Variants in RAB7A observed in about 807,000 individuals in gnomAD.
The protein encoded by RAB7A is RAB7A, member RAS oncogene family, also known as ras-related protein Rab-7a.
A neutral mutation model predicts 24.5 loss-of-function variants in RAB7A; 2 were observed. The observed-to-expected ratio is 0.08, with a 90% CI of 0.03 to 0.26. The LOEUF is 0.26. RAB7A is among the 10% of genes least tolerant of loss of function. The pLI is 1.00. For missense variants in RAB7A, 118 were observed against 255.7 expected (o/e 0.46, Z 3.67); for synonymous variants, 100 against 95.9 (o/e 1.04, Z -0.25).
intron 1 of RAB7A, among the ~76,000 whole-genome samples, chr3:128,743,762 A>G (rs997293152): frequency 6.6e-6 from 1 of 151,024 alleles, no homozygotes; most frequent in African/African-American, 2.4e-5. Context: ...ATATCAGCCT[A>G]TTCAACATGA....
At chr3:128,755,007 C>G (rs1393823106) in intron 1 of RAB7A, among the ~76,000 whole-genome samples, 1 of 152,176 alleles carries the variant, frequency 6.6e-6, no homozygotes, top group Admixed American at 6.5e-5. Flanking sequence ...ATATAAGAAA[C>G]CAAGTAGATC....
rs147382847 is a variant in RAB7A, at chr3:128,747,275, G to A, written c.-9+20916G>A. Among the ~76,000 whole-genome samples the A allele has an allele frequency of 6.3e-4, 94 of 149,380 alleles. 4 individuals are homozygous for A. The highest frequency in any genetic ancestry group is 2.1e-3 in the African/African-American group (86 of 40,064). On this transcript the variant is annotated intron_variant, in intron 1 of 5. Coordinates refer to ENST00000265062, the MANE Select transcript of RAB7A (RefSeq NM_004637.6). ...CCACTGTACTCCAGCCTGGGTGACAGAACAAGACCCTGTCTCTTAAAAAAT... is the reference window on the plus strand; with the variant it reads ...CCACTGTACTCCAGCCTGGGTGACAAAACAAGACCCTGTCTCTTAAAAAAT...
chr3:128,772,072 A>T (rs1379371607), intron 1 of RAB7A, among the ~76,000 whole-genome samples: 1 of 152,228 alleles, frequency 6.6e-6, no homozygotes, highest in East Asian at 1.9e-4. Context: ...CTCATAAGAC[A>T]AGCAGTTACA....
At chr3:128,764,738 A>C (rs190607450) in intron 1 of RAB7A, 4 of 802,052 alleles carry the variant, frequency 5.0e-6, no homozygotes, top group Non-Finnish European at 8.9e-6. Flanking sequence ...CCACTCTCCC[A>C]GTCATCACAG....
At chr3:128,745,837 A>G (rs1292437607) in intron 1 of RAB7A, among the ~76,000 whole-genome samples, 4 of 152,178 alleles carry the variant, frequency 2.6e-5, no homozygotes, top group Non-Finnish European at 5.9e-5. Flanking sequence ...CTTGACTTGA[A>G]TCCCATGCAG....
chr3:128,805,395 C>A (rs568729899), intron 3 of RAB7A, among the ~76,000 whole-genome samples: 1 of 152,088 alleles, frequency 6.6e-6, no homozygotes, highest in Non-Finnish European at 1.5e-5. Context: ...TTATCATGTT[C>A]GTCCGGCTCT....
At chr3:128,751,176 G>T (rs920089715) in intron 1 of RAB7A, among the ~76,000 whole-genome samples, 5 of 152,258 alleles carry the variant, frequency 3.3e-5, no homozygotes, top group African/African-American at 1.2e-4. Context: ...TGTTGGGATG[G>T]AGCCCCCACA....
chr3:128,770,893 A>ATTTTCCATAAAGC (rs2070878648), intron 1 of RAB7A, among the ~76,000 whole-genome samples: 3 of 152,164 alleles, frequency 2.0e-5, no homozygotes, highest in African/African-American at 7.2e-5. Flanking sequence ...AGCATTTGGG[A>ATTTTCCATAAAGC]ACTGATTGCT....
At chr3:128,807,471 T>A (rs1933830006) in intron 4 of RAB7A, 72 bp from the exon 5 acceptor site, 8 of 1,608,280 alleles carry the variant, frequency 5.0e-6, no homozygotes, top group Non-Finnish European at 8.5e-7. Context: ...GCCATGACAC[T>A]TCCTGGGGAG....
At chr3:128,783,881 G>A (rs1483832027) in intron 1 of RAB7A, among the ~76,000 whole-genome samples, 1 of 152,196 alleles carries the variant, frequency 6.6e-6, no homozygotes, top group Admixed American at 6.5e-5. Context: ...TGCACGTTCA[G>A]CTGTTTAGTC....
At chr3:128,801,462 T>C (rs999481806) in intron 3 of RAB7A, among the ~76,000 whole-genome samples, 15 of 1,266 alleles carry the variant, frequency 0.012, no homozygotes, top group African/African-American at 0.1. Context: ...GTGTGCAGCC[T>C]TTGTATGTCA....
intron 1 of RAB7A, among the ~76,000 whole-genome samples, chr3:128,745,724 G>A (rs993766320): frequency 5.3e-5 from 8 of 152,220 alleles, no homozygotes; most frequent in Non-Finnish European, 8.8e-5. Flanking sequence ...AGTGTTCCAG[G>A]AAACACAGTC....
intron 5 of RAB7A, among the ~76,000 whole-genome samples, chr3:128,810,201 C>A (rs1312489248): frequency 3.9e-5 from 6 of 151,948 alleles, no homozygotes; most frequent in African/African-American, 1.2e-4. Flanking sequence ...CCGCCTCAGC[C>A]TCCCAAAGTG....
chr3:128,738,368 T>A (rs764077773), intron 1 of RAB7A, among the ~76,000 whole-genome samples: 2 of 152,216 alleles, frequency 1.3e-5, no homozygotes, highest in Non-Finnish European at 2.9e-5. Context: ...TTTGAGGCTC[T>A]CCACAAATGG....
chr3:128,742,396 C>T (rs1221591472), intron 1 of RAB7A, among the ~76,000 whole-genome samples: 1 of 152,146 alleles, frequency 6.6e-6, no homozygotes, highest in Non-Finnish European at 1.5e-5. Context: ...GAGCGGGTTG[C>T]CCATGCTGGC....
At chr3:128,739,903 C>G (rs2070532968) in intron 1 of RAB7A, among the ~76,000 whole-genome samples, 2 of 152,116 alleles carry the variant, frequency 1.3e-5, no homozygotes, top group African/African-American at 4.8e-5. Flanking sequence ...CCTGTCTCTA[C>G]TAAAAATACA....
chr3:128,789,791 CTTTT>C (rs1214389169), intron 1 of RAB7A, among the ~76,000 whole-genome samples: 1 of 133,452 alleles, frequency 7.5e-6, no homozygotes, highest in Admixed American at 7.5e-5. Flanking sequence ...TTGTTCCTGG[CTTTT>C]TTTTTTTTTT....
At chr3:128,765,155 G>A (rs1480988848) in intron 1 of RAB7A, 10 of 698,376 alleles carry the variant, frequency 1.4e-5, no homozygotes, top group Non-Finnish European at 1.8e-5. Flanking sequence ...GGGGACGAGC[G>A]CTGGGTTCCG....
chr3:128,809,934 G>GTTTT (rs1231077081), intron 5 of RAB7A, among the ~76,000 whole-genome samples: 5 of 47,546 alleles, frequency 1.1e-4, no homozygotes, highest in Admixed American at 2.4e-4. Flanking sequence ...TCTTGCCACA[G>GTTTT]TCTTTTTTTT....
Sources: gnomAD v4.1 joint callset for allele counts (sites outside exome capture counted in the v4.1 genomes callset) on GRCh38, gnomAD v4.1.1 for gene constraint, MANE v1.5 for transcripts, NCBI Gene and HGNC (gene_info 2026-07-23, HGNC 2026-07-21) for gene names.